The following WNK1 variants were observed in gnomAD, a reference collection of about 807,000 sequenced individuals.
WNK1 encodes WNK lysine deficient protein kinase 1.
WNK1 carries 38 observed loss-of-function variants against 222.8 expected under a neutral mutation model. The ratio of observed to expected loss-of-function variants is 0.17; its 90% CI spans 0.13 to 0.22. The LOEUF is 0.22. Among genes scored for constraint, WNK1 ranks in the 10% least tolerant of loss-of-function variants. The probability of loss-of-function intolerance (pLI) is 1.00; values close to 1 mark genes in which losing one functional copy is unlikely to be tolerated. For missense variants in WNK1, 2,348 were observed against 2,918.4 expected (o/e 0.80, Z 4.50); for synonymous variants, 1,090 against 1,092.9 (o/e 1.00, Z 0.05).
At chr12:860,537 C>CTT (rs1471903658) in intron 6 of WNK1, among the ~76,000 whole-genome samples, 3 of 152,130 alleles carry the variant, frequency 2.0e-5, no homozygotes, top group Admixed American at 6.5e-5. Context: ...ATTGTCTGAG[C>CTT]TTTTTTGCTT....
intron 1 of WNK1, among the ~76,000 whole-genome samples, chr12:762,280 G>A (rs907333476): frequency 2.7e-5 from 4 of 146,156 alleles, no homozygotes; most frequent in East Asian, 2.0e-4. Flanking sequence ...GGCTGGTCTC[G>A]AACTCCTGAC....
intron 5 of WNK1, among the ~76,000 whole-genome samples, chr12:858,137 G>A (rs988965288): frequency 6.6e-6 from 1 of 150,812 alleles, no homozygotes; most frequent in Non-Finnish European, 1.5e-5. Context: ...TATATGCTGG[G>A]TACTTAAATC....
chr12:881,773 G>C lies in WNK1; in HGVS notation c.3193G>C (p.Ala1065Pro). 1 of 1,614,186 alleles carries C rather than the reference G, an allele frequency of 6.2e-7. No homozygotes were observed. The highest frequency in any genetic ancestry group is 8.5e-7 in the Non-Finnish European group (1 of 1,180,038). The stretch of plus-strand genomic sequence containing the variant: ...CCAAGCTACCCAGCCGACCACTTTG[G>C]CTTCCTCTGTAGACAGGTACGTAAA... ...QTQATQPTTLASSVDSAHSDV... is the reference protein window; with the variant it reads ...QTQATQPTTLPSSVDSAHSDV... The change falls in exon 13 of 28, where the codon GCT becomes CCT. Residue 1065 changes from alanine to proline, a missense_variant. Ala to Pro is a conservative substitution (Grantham distance 27, BLOSUM62 -1). Transcript: ENST00000315939.
chr12:848,520 T>G (rs1174878600), intron 4 of WNK1, among the ~76,000 whole-genome samples: 2 of 147,140 alleles, frequency 1.4e-5, no homozygotes, highest in African/African-American at 2.6e-5. Flanking sequence ...TTTTTTTGCT[T>G]GGTCAGAGAT....
In WNK1 at chr12:769,490, C is replaced by T. The variant is rs117249607; in HGVS notation, c.759+15166C>T. Among the ~76,000 whole-genome samples, 208 of 152,368 alleles carry T rather than the reference C, an allele frequency of 1.4e-3. 2 individuals are homozygous for T. In the East Asian group the frequency reaches 0.036, roughly 26 times the overall value. ...GTGCTGGGATTACAGGTGTGGGCCA[C>T]AATGCCTAGCCCCTTCTGCATCCTT... is the stretch of plus-strand genomic sequence containing the variant. On this transcript the variant is annotated intron_variant, in intron 1 of 27. Coordinates refer to ENST00000315939, the MANE Select transcript of WNK1 (RefSeq NM_018979.4).
intron 21 of WNK1, among the ~76,000 whole-genome samples, chr12:889,584 C>T (rs1020876204): frequency 2.0e-5 from 3 of 152,046 alleles, no homozygotes; most frequent in African/African-American, 7.2e-5. Flanking sequence ...TTTGGGAGGC[C>T]GAGGCGGGCG....
chr12:846,670 T>C (rs1365634869), intron 4 of WNK1, among the ~76,000 whole-genome samples: 2 of 152,236 alleles, frequency 1.3e-5, no homozygotes, highest in African/African-American at 2.4e-5. Flanking sequence ...ACTTTGTTTG[T>C]GTAATTTGAC....
chr12:883,696 T>G, intron 16 of WNK1, 78 bp from the exon 17 acceptor site: 7 of 1,598,372 alleles, frequency 4.4e-6, no homozygotes, highest in South Asian at 1.1e-5. Flanking sequence ...TTATGTTCTC[T>G]TCACATGTGG....
At chr12:754,767 A>G (rs1229500599) in intron 1 of WNK1, among the ~76,000 whole-genome samples, 1 of 152,100 alleles carries the variant, frequency 6.6e-6, no homozygotes, top group East Asian at 1.9e-4. Flanking sequence ...ACAACCTTGT[A>G]CCTTTGGATG....
At chr12:817,107 G>A (rs866438183) in intron 2 of WNK1, among the ~76,000 whole-genome samples, 3 of 152,144 alleles carry the variant, frequency 2.0e-5, no homozygotes, top group Non-Finnish European at 4.4e-5. Flanking sequence ...TATTAACTAC[G>A]AAGAAATGAG....
chr12:834,338 T>G (rs1949023790), intron 4 of WNK1, among the ~76,000 whole-genome samples: 1 of 152,238 alleles, frequency 6.6e-6, no homozygotes, highest in South Asian at 2.1e-4. Flanking sequence ...AACTTCTGAC[T>G]GCTGATATGT....
rs551758325 is a variant in WNK1 at position 758,927 on chromosome 12, A to G, written c.759+4603A>G. Among the ~76,000 whole-genome samples the G allele has an allele frequency of 2.7e-5, 4 of 147,592 alleles. No homozygotes were observed. In the South Asian group the frequency reaches 6.6e-4, roughly 24 times the overall value. On this transcript the variant is annotated intron_variant, in intron 1 of 27. Transcript: ENST00000315939. The stretch of plus-strand genomic sequence containing the variant: ...ATCTATTGTTGCTTTGTGACAATTC[A>G]TTTCTTGACATTCAAATTCTGATGC...
intron 1 of WNK1, among the ~76,000 whole-genome samples, chr12:772,072 T>G (rs1942573311): frequency 6.6e-6 from 1 of 152,164 alleles, no homozygotes; most frequent in African/African-American, 2.4e-5. Flanking sequence ...TATTTCCACC[T>G]TAGTTATTGT....
intron 26 of WNK1, among the ~76,000 whole-genome samples, chr12:904,904 G>A (rs1193649579): frequency 6.6e-6 from 1 of 152,178 alleles, no homozygotes; most frequent in Non-Finnish European, 1.5e-5. Flanking sequence ...AGATTGACGA[G>A]GAGAAAAACA....
intron 1 of WNK1, among the ~76,000 whole-genome samples, chr12:767,244 T>TG (rs1565398637): frequency 1.4e-4 from 3 of 20,834 alleles, no homozygotes; most frequent in Admixed American, 1.0e-3. Flanking sequence ...GTTTTTTTTT[T>TG]TTTTTTTTTT....
intron 1 of WNK1, among the ~76,000 whole-genome samples, chr12:772,952 A>T (rs760261481): frequency 1.3e-5 from 2 of 152,174 alleles, no homozygotes; most frequent in Non-Finnish European, 2.9e-5. Context: ...GGTGTTTAAT[A>T]ACAGTACATT....
chr12:878,081 G>A (rs1952788006), intron 9 of WNK1, 131 bp from the exon 10 acceptor site: 8 of 1,137,936 alleles, frequency 7.0e-6, no homozygotes, highest in Non-Finnish European at 1.0e-5. Context: ...GATGAATTTG[G>A]GTTTGTGCAT....
intron 1 of WNK1, among the ~76,000 whole-genome samples, chr12:803,309 C>T (rs745652412): frequency 1.3e-5 from 2 of 152,054 alleles, no homozygotes; most frequent in Non-Finnish European, 2.9e-5. Flanking sequence ...AATGTAAGTA[C>T]AGAAATAACA....
At chr12:852,387 A>G (rs1314923927) in intron 4 of WNK1, among the ~76,000 whole-genome samples, 1 of 152,216 alleles carries the variant, frequency 6.6e-6, no homozygotes, top group Non-Finnish European at 1.5e-5. Context: ...TGTACAATAG[A>G]TATTCAAGAA....
Sources: gnomAD v4.1 joint callset for allele counts (sites outside exome capture counted in the v4.1 genomes callset) on GRCh38, gnomAD v4.1.1 for gene constraint, MANE v1.5 for transcripts, NCBI Gene and HGNC (gene_info 2026-07-23, HGNC 2026-07-21) for gene names.